The following APBB2 variants were observed in gnomAD, a reference collection of about 807,000 sequenced individuals.
APBB2 encodes Fe65-like 1.
Under a neutral mutation model 82.5 loss-of-function variants are expected in APBB2, and 38 were observed. The observed-to-expected ratio is 0.46, with a 90% CI of 0.36 to 0.60. The LOEUF (loss-of-function observed/expected upper bound fraction) is 0.60, where lower values mean the gene tolerates loss of function less well. Ranked by LOEUF, APBB2 falls within the 20% of genes least tolerant of loss-of-function variation. The probability of loss-of-function intolerance (pLI) is 0.00; values close to 1 mark genes in which losing one functional copy is unlikely to be tolerated. For synonymous variants in APBB2, 341 were observed against 368.2 expected (o/e 0.93, Z 0.85); for missense variants, 772 against 972.3 (o/e 0.79, Z 2.74).
At chr4:41,033,605 C>CACACACAG (rs1272619429) in intron 4 of APBB2, among the ~76,000 whole-genome samples, 2 of 150,664 alleles carry the variant, frequency 1.3e-5, no homozygotes, top group East Asian at 3.9e-4. Flanking sequence ...CACACACACA[C>CACACACAG]ACACACACAC....
At chr4:41,066,629 G>T (rs763262756) in intron 3 of APBB2, among the ~76,000 whole-genome samples, 2 of 152,186 alleles carry the variant, frequency 1.3e-5, no homozygotes, top group Non-Finnish European at 2.9e-5. Flanking sequence ...CCTAAGGCTG[G>T]GTAGGAGTTA....
chr4:40,988,819 G>A (rs1193243382), intron 6 of APBB2, among the ~76,000 whole-genome samples: 1 of 150,106 alleles, frequency 6.7e-6, no homozygotes, highest in Non-Finnish European at 1.5e-5. Context: ...AGGCTGGAGT[G>A]CAGTGGCATG....
intron 10 of APBB2, among the ~76,000 whole-genome samples, chr4:40,906,411 G>T (rs1396149459): frequency 7.0e-6 from 1 of 142,508 alleles, no homozygotes; most frequent in Non-Finnish European, 1.5e-5. Context: ...AGGCTACAGT[G>T]AGCTGAGGTG....
chr4:41,052,770 CTTCTTTT>C (rs1726474982), intron 4 of APBB2, among the ~76,000 whole-genome samples: 1 of 105,792 alleles, frequency 9.5e-6, no homozygotes, highest in Non-Finnish European at 2.3e-5. Flanking sequence ...TTCTTTCTTT[CTTCTTTT>C]TTTTTTTTTT....
At chr4:41,124,411 T>C (rs1194135949) in intron 2 of APBB2, among the ~76,000 whole-genome samples, 4 of 151,986 alleles carry the variant, frequency 2.6e-5, no homozygotes, top group Admixed American at 6.6e-5. Context: ...GTAGAGACCG[T>C]GTTAGCCAGG....
intron 4 of APBB2, among the ~76,000 whole-genome samples, chr4:41,059,368 G>A (rs933846805): frequency 5.9e-5 from 9 of 152,390 alleles, no homozygotes; most frequent in Middle Eastern, 3.4e-3. Context: ...GGCTGAGACA[G>A]GAGAATTGCT....
At chr4:41,048,908 T>C (rs148946058) in intron 4 of APBB2, among the ~76,000 whole-genome samples, 12,105 of 152,078 alleles carry the variant, frequency 0.08, 1,557 homozygotes, top group African/African-American at 0.27. Context: ...CTCCTAACCG[T>C]GAGTGATCTA....
At chr4:40,830,908 CA>C (rs1219827637) in intron 12 of APBB2, among the ~76,000 whole-genome samples, 2 of 150,276 alleles carry the variant, frequency 1.3e-5, no homozygotes, top group South Asian at 2.1e-4. Context: ...AAACCACTAT[CA>C]AAAAAAACCA....
At chr4:41,086,618 T>C (rs1739786104) in intron 3 of APBB2, among the ~76,000 whole-genome samples, 2 of 152,114 alleles carry the variant, frequency 1.3e-5, no homozygotes, top group Admixed American at 1.3e-4. Flanking sequence ...TCAGCAAACT[T>C]TCATGATAAA....
intron 5 of APBB2, among the ~76,000 whole-genome samples, chr4:41,030,993 G>A (rs1039323860): frequency 2.0e-5 from 3 of 152,168 alleles, no homozygotes; most frequent in Non-Finnish European, 2.9e-5. Flanking sequence ...GAGAGGCCGA[G>A]GCGGGCAGAT....
At chr4:41,104,392 T>G (rs1307049980) in intron 2 of APBB2, among the ~76,000 whole-genome samples, 1 of 152,184 alleles carries the variant, frequency 6.6e-6, no homozygotes, top group African/African-American at 2.4e-5. Context: ...AAGGGCCAAT[T>G]TGGGACAACT....
Position 41,039,941 on chromosome 4 carries a change from T to C in APBB2, c.-50-6637A>G, listed in dbSNP as rs541692821. Among the ~76,000 whole-genome samples the C allele has an allele frequency of 2.0e-5, 3 of 152,130 alleles. No homozygotes were observed. The South Asian group carries it at 6.2e-4, about 32-fold the overall frequency. On this transcript the variant is annotated intron_variant, in intron 4 of 17. Coordinates refer to ENST00000508593, the MANE Select transcript of APBB2 (RefSeq NM_004307.2). ...GTAAGCTTTCTGGACCAAAAAGCAA[T>C]GTCCTGGAGATCTTTGTATACCTGG...
chr4:41,135,203 A>C (rs1371664286), intron 2 of APBB2, among the ~76,000 whole-genome samples: 1 of 151,848 alleles, frequency 6.6e-6, no homozygotes, highest in African/African-American at 2.4e-5. Context: ...CACCCTTACA[A>C]ACCCAAGCAT....
chr4:41,148,775 C>T (rs1321564603), intron 1 of APBB2, among the ~76,000 whole-genome samples: 2 of 152,246 alleles, frequency 1.3e-5, no homozygotes, highest in Admixed American at 6.5e-5. Context: ...TCATTTAGTA[C>T]ATTTTTTTAG....
chr4:40,887,711 A>G (rs942798823), intron 12 of APBB2, among the ~76,000 whole-genome samples: 3 of 152,184 alleles, frequency 2.0e-5, no homozygotes, highest in Non-Finnish European at 4.4e-5. Flanking sequence ...AGCTGAAGGC[A>G]GCCACAACCC....
chr4:41,193,730 T>G, intron 1 of APBB2: 1 of 183,702 alleles, frequency 5.4e-6, no homozygotes, highest in Non-Finnish European at 1.0e-5. Context: ...CTAGGCAGGG[T>G]AGAAGAGTCT....
At chr4:41,205,317 C>G (rs1777664114) in intron 1 of APBB2, among the ~76,000 whole-genome samples, 1 of 152,160 alleles carries the variant, frequency 6.6e-6, no homozygotes, top group South Asian at 2.1e-4. Flanking sequence ...CCTCTCAATC[C>G]TTCACGGGAT....
intron 6 of APBB2, among the ~76,000 whole-genome samples, chr4:40,973,944 C>G (rs1402978168): frequency 6.6e-6 from 1 of 151,886 alleles, no homozygotes; most frequent in Non-Finnish European, 1.5e-5. Context: ...CTCCGCCCCC[C>G]AAGTTCAAGC....
At chr4:41,129,551 T>TC in intron 2 of APBB2, among the ~76,000 whole-genome samples, 1 of 152,254 alleles carries the variant, frequency 6.6e-6, no homozygotes, top group Middle Eastern at 3.4e-3. Flanking sequence ...ACAGGCTTTG[T>TC]TCTCCTGCTG....
Sources: allele counts gnomAD v4.1 joint callset (sites outside exome capture counted in the v4.1 genomes callset), GRCh38; gene constraint gnomAD v4.1.1; transcripts MANE v1.5; gene names NCBI Gene and HGNC (gene_info 2026-07-23, HGNC 2026-07-21).